The following DOCK8 variants were observed in gnomAD, a reference collection of about 807,000 sequenced individuals.
DOCK8 encodes dedicator of cytokinesis 8.
Under a neutral mutation model 245.6 loss-of-function variants are expected in DOCK8, and 141 were observed. The observed-to-expected ratio is 0.57, with a 90% confidence interval of 0.50 to 0.66. DOCK8 has a LOEUF of 0.66. DOCK8 is among the 30% of genes least tolerant of loss of function. DOCK8 has a pLI of 0.00. For missense variants in DOCK8, 2,965 were observed against 2,603.4 expected (o/e 1.14, Z -3.02); for synonymous variants, 1,168 against 970.2 (o/e 1.20, Z -3.79).
intron 28 of DOCK8, among the ~76,000 whole-genome samples, chr9:409,463 T>G (rs2055606348): frequency 6.6e-6 from 1 of 152,102 alleles, no homozygotes; most frequent in Non-Finnish European, 1.5e-5. Flanking sequence ...AGTGCAAGAG[T>G]CTGAGTCATT....
chr9:390,922 G>T (rs998334124), intron 24 of DOCK8, among the ~76,000 whole-genome samples: 4 of 152,136 alleles, frequency 2.6e-5, no homozygotes, highest in African/African-American at 9.7e-5. Flanking sequence ...AGAATGTCAC[G>T]CTCCTTTTAA....
upstream of DOCK8, chr9:214,607 G>C: frequency 6.2e-7 from 1 of 1,613,894 alleles, no homozygotes; most frequent in Admixed American, 1.7e-5. Context: ...GGCAGATGGA[G>C]CTTCCGGCCT....
intron 14 of DOCK8, among the ~76,000 whole-genome samples, chr9:353,818 G>A (rs1018405178): frequency 2.0e-4 from 30 of 152,290 alleles, no homozygotes; most frequent in African/African-American, 7.0e-4. Flanking sequence ...CATTCAAAAT[G>A]TGGTGCTTTG....
chr9:260,411 A>G (rs7864012), intron 1 of DOCK8, among the ~76,000 whole-genome samples: 13,434 of 152,308 alleles, frequency 0.088, 642 homozygotes, highest in South Asian at 0.12. Context: ...GTTCTTCAGG[A>G]TAGTTACAGA....
At chr9:237,070 G>A (rs148646160) in intron 1 of DOCK8, among the ~76,000 whole-genome samples, 6 of 152,194 alleles carry the variant, frequency 3.9e-5, no homozygotes, top group African/African-American at 1.4e-4. Context: ...CAAGTCTTTG[G>A]GGGGACAGCT....
intron 1 of DOCK8, among the ~76,000 whole-genome samples, chr9:250,157 G>T (rs2047613670): frequency 6.6e-6 from 1 of 152,198 alleles, no homozygotes; most frequent in South Asian, 2.1e-4. Flanking sequence ...CTGGGAGCAT[G>T]TAGGGTTCAA....
At chr9:304,761 T>C (rs2049735023) in intron 5 of DOCK8, 57 bp downstream of exon 5, 9 of 1,612,912 alleles carry the variant, frequency 5.6e-6, no homozygotes, top group African/African-American at 1.3e-5. Context: ...GCCCAGGGCA[T>C]GCTGTCAGTT....
intron 9 of DOCK8, among the ~76,000 whole-genome samples, chr9:331,202 G>C (rs1311514320): frequency 6.6e-6 from 1 of 152,112 alleles, no homozygotes; most frequent in African/African-American, 2.4e-5. Flanking sequence ...CCATATAGAA[G>C]GTACTCAACA....
chr9:393,844 G>T (rs866925289), intron 24 of DOCK8, among the ~76,000 whole-genome samples: 1 of 152,194 alleles, frequency 6.6e-6, no homozygotes, highest in Non-Finnish European at 1.5e-5. Flanking sequence ...TAACTGAAAA[G>T]CATTGATCAA....
At position 432,343 on chromosome 9, in the gene DOCK8, C is replaced by T. The variant is rs1453470649; in HGVS notation, c.4785+19C>T. 10 of 1,613,582 alleles carry T rather than the reference C, an allele frequency of 6.2e-6. No individual in the cohort carries two copies. The Admixed American group carries it at 6.7e-5, about 11-fold the overall frequency. ...CACCCAGGTACACCGAAGCACATAC[C>T]TTGTCTCATGCATGAGTTTGGGATC... On this transcript the variant is annotated intron_variant, in intron 37 of 47. Transcript: ENST00000432829.
At chr9:345,176 G>A (rs774510758) in intron 14 of DOCK8, among the ~76,000 whole-genome samples, 5 of 152,148 alleles carry the variant, frequency 3.3e-5, no homozygotes, top group Admixed American at 3.3e-4. Context: ...CTATTTCCAT[G>A]CCAATCAATA....
At chr9:299,946 C>T (rs970212133) in intron 4 of DOCK8, among the ~76,000 whole-genome samples, 2 of 150,960 alleles carry the variant, frequency 1.3e-5, no homozygotes, top group African/African-American at 4.9e-5. Flanking sequence ...GGTGTGAACC[C>T]GGGAGGCAGA....
chr9:230,348 C>G (rs1025044926), intron 1 of DOCK8, among the ~76,000 whole-genome samples: 1 of 152,078 alleles, frequency 6.6e-6, no homozygotes, highest in African/African-American at 2.4e-5. Flanking sequence ...GTGAATAGTG[C>G]TGCTATAAAC....
rs1307946580 is a variant in DOCK8, at chr9:434,888, C to T, written c.4992C>T (p.Cys1664=). 2.5e-6 allele frequency: 4 copies of T among 1,613,848 alleles called. No homozygotes were observed. The highest frequency in any genetic ancestry group is 3.4e-6 in the Non-Finnish European group (4 of 1,180,044). Residue 1664 remains cysteine, a synonymous_variant, in exon 39 of 48, where the codon TGC becomes TGT. Transcript: ENST00000432829. The stretch of plus-strand genomic sequence containing the variant: ...AGTGCTACACGGAGGCTGCCATGTG[C>T]CTGGTGCACGCCGCTGCGTTAGTGG... ...KKKCYTEAAM[C]LVHAAALVAE... is the part of the protein sequence containing the mutation.
In DOCK8 at chr9:300,013, C is replaced by T. The variant is rs1390500011; in HGVS notation, c.405-4568C>T. On this transcript the variant is annotated intron_variant, in intron 4 of 47. Transcript: ENST00000432829. ...CTCCAGCCTGGGCGACAGTGAGACTCCGTCTCAAAAAAAAAAAAAAAAGAT... is the reference window on the plus strand; with the variant it reads ...CTCCAGCCTGGGCGACAGTGAGACTTCGTCTCAAAAAAAAAAAAAAAAGAT... Among the ~76,000 whole-genome samples, 3 of 99,542 alleles carry T rather than the reference C, an allele frequency of 3.0e-5. No individual in the cohort carries two copies. The Admixed American group carries it at 3.1e-4, about 10-fold the overall frequency. 65.3% of individuals were successfully genotyped at this position (99,542 alleles called of 152,430 possible). A position where few individuals can be genotyped will look rare whatever the true frequency, so the allele number is the denominator to read the frequency against.
chr9:335,522 C>T (rs1462745098), intron 11 of DOCK8, among the ~76,000 whole-genome samples: 2 of 152,170 alleles, frequency 1.3e-5, no homozygotes, highest in East Asian at 1.9e-4. Flanking sequence ...AGTCAGAACT[C>T]CTGGGTTATT....
At chr9:236,892 A>G (rs2047263887) in intron 1 of DOCK8, among the ~76,000 whole-genome samples, 1 of 152,190 alleles carries the variant, frequency 6.6e-6, no homozygotes, top group African/African-American at 2.4e-5. Context: ...TGTGCACCCA[A>G]TTCTTAAATA....
At chr9:452,171 A>T (rs1044760623) in intron 46 of DOCK8, 54 bp downstream of exon 46, 1 of 1,178,184 alleles carries the variant, frequency 8.5e-7, no homozygotes, top group South Asian at 1.2e-5. Context: ...TCAAAGTGCA[A>T]TCTTAGACCA....
chr9:400,977 T>TCACCACCTCCACCACCAC (rs1554692560), intron 26 of DOCK8, among the ~76,000 whole-genome samples: 1 of 65,816 alleles, frequency 1.5e-5, no homozygotes, highest in Admixed American at 1.6e-4. Context: ...TCCTCCACCA[T>TCACCACCTCCACCACCAC]CACCACCTCC....
Sources: gnomAD v4.1 joint callset for allele counts (sites outside exome capture counted in the v4.1 genomes callset) on GRCh38, gnomAD v4.1.1 for gene constraint, MANE v1.5 for transcripts, NCBI Gene and HGNC (gene_info 2026-07-23, HGNC 2026-07-21) for gene names.